Variants in ARMC9 observed in about 807,000 individuals in gnomAD.
ARMC9 encodes the protein armadillo repeat containing 9.
ARMC9 carries 94 observed loss-of-function variants against 107.0 expected under a neutral mutation model. That is an observed-to-expected ratio of 0.88 (90% confidence interval 0.74 to 1.04). ARMC9 has a LOEUF of 1.04. Among genes scored for constraint, ARMC9 ranks in the 50% least tolerant of loss-of-function variants. ARMC9 has a pLI of 0.00. For synonymous variants in ARMC9, 380 were observed against 396.9 expected (o/e 0.96, Z 0.51); for missense variants, 942 against 1,030.1 (o/e 0.91, Z 1.17).
chr2:231,278,003 G>A (rs147719126), intron 15 of ARMC9, among the ~76,000 whole-genome samples: 8 of 152,278 alleles, frequency 5.3e-5, no homozygotes, highest in Admixed American at 1.3e-4. Context: ...GTGTCCGTGC[G>A]TGGGAGGGAG....
intron 11 of ARMC9, among the ~76,000 whole-genome samples, chr2:231,261,746 AGCATTTT>A (rs2038365687): frequency 6.6e-6 from 1 of 151,958 alleles, no homozygotes. Flanking sequence ...TTACAGTCTG[AGCATTTT>A]GCTGCCTCAC....
intron 17 of ARMC9, among the ~76,000 whole-genome samples, chr2:231,283,341 C>T (rs185022740): frequency 5.7e-4 from 87 of 152,208 alleles, no homozygotes; most frequent in Non-Finnish European, 1.3e-4. Context: ...TCTAGGAAAC[C>T]CCTAAATGTT....
intron 20 of ARMC9, among the ~76,000 whole-genome samples, chr2:231,333,790 A>G (rs1006439562): frequency 6.6e-6 from 1 of 152,238 alleles, no homozygotes; most frequent in Non-Finnish European, 1.5e-5. Context: ...GCAGGCACGT[A>G]AACATGAGCA....
chr2:231,354,092 T>C (rs2045230273), intron 21 of ARMC9, among the ~76,000 whole-genome samples: 1 of 151,860 alleles, frequency 6.6e-6, no homozygotes, highest in South Asian at 2.1e-4. Context: ...ACCTTCCCTC[T>C]TCTGGCACCT....
intron 7 of ARMC9, among the ~76,000 whole-genome samples, chr2:231,227,530 A>G (rs2034763956): frequency 6.6e-6 from 1 of 152,222 alleles, no homozygotes; most frequent in Non-Finnish European, 1.5e-5. Context: ...ATCTTGTTCC[A>G]TGCGCCAGCA....
chr2:231,222,660 C>A, intron 5 of ARMC9, 68 bp from the exon 6 acceptor site: 1 of 898,726 alleles, frequency 1.1e-6, no homozygotes, highest in East Asian at 2.6e-5. Context: ...GCCTAATGAC[C>A]TCAACTTGAT....
rs145961415 is a variant in ARMC9 at position 231,257,387 on chromosome 2, C to G, written c.914+767C>G. ...GCTGTGGTGGCAAGGAAGTTGAGAA[C>G]CTTTGACTTGGGCATGAGGACCAGG... On this transcript the variant is annotated intron_variant, in intron 10 of 24. Transcript: ENST00000611582. Among the ~76,000 whole-genome samples, 830 of 152,246 alleles carry G rather than the reference C, an allele frequency of 5.5e-3. 10 individuals carry two copies. Among genetic ancestry groups the G allele is most frequent in the African/African-American group, 0.018 (747 of 41,530 alleles).
At chr2:231,248,794 G>A (rs1288709245) in intron 9 of ARMC9, among the ~76,000 whole-genome samples, 2 of 131,272 alleles carry the variant, frequency 1.5e-5, no homozygotes, top group African/African-American at 2.9e-5. Context: ...GCAACAGAAC[G>A]AGGTTCTGTC....
At chr2:231,304,657 A>G (rs1249903449) in intron 19 of ARMC9, among the ~76,000 whole-genome samples, 4 of 152,232 alleles carry the variant, frequency 2.6e-5, no homozygotes, top group African/African-American at 9.6e-5. Flanking sequence ...TCGTCCTCCC[A>G]AAGTGCTGGG....
intron 19 of ARMC9, among the ~76,000 whole-genome samples, chr2:231,314,353 C>G (rs2125520353): frequency 6.6e-6 from 1 of 152,284 alleles, no homozygotes; most frequent in South Asian, 2.1e-4. Context: ...GCTGGGATTA[C>G]AGGTGTGAGC....
Position 231,223,410 on chromosome 2 carries a change from G to A in ARMC9, c.597+590G>A, listed in dbSNP as rs1434691275. Among the ~76,000 whole-genome samples, 3 of 152,284 alleles carry A rather than the reference G, an allele frequency of 2.0e-5. No homozygotes were observed. The South Asian group carries it at 6.2e-4, about 32-fold the overall frequency. On this transcript the variant is annotated intron_variant, in intron 6 of 24. Coordinates refer to ENST00000611582, the MANE Select transcript of ARMC9 (RefSeq NM_001352754.2). ...TACCAGGGTGACAGGTGTAAATAGA[G>A]CCTGTTTCAGAAAGAGCAGAACGTT...
chr2:231,296,541 T>C (rs2041382698), intron 19 of ARMC9, among the ~76,000 whole-genome samples: 1 of 152,214 alleles, frequency 6.6e-6, no homozygotes, highest in African/African-American at 2.4e-5. Flanking sequence ...ACAATGACCA[T>C]TCTTCTGTGT....
intron 12 of ARMC9, 42 bp from the exon 13 acceptor site, chr2:231,270,940 C>A: frequency 1.3e-6 from 2 of 1,567,346 alleles, no homozygotes; most frequent in South Asian, 1.1e-5. Context: ...TTTATCTCTC[C>A]GTGTTCTTAA....
At chr2:231,206,939 A>G (rs1241017696) in intron 2 of ARMC9, among the ~76,000 whole-genome samples, 1 of 152,236 alleles carries the variant, frequency 6.6e-6, no homozygotes, top group African/African-American at 2.4e-5. Context: ...TGAGGCACCC[A>G]CCGTGCAACT....
intron 15 of ARMC9, 33 bp from the exon 16 acceptor site, chr2:231,278,349 A>G (rs781166531): frequency 1.9e-6 from 3 of 1,607,970 alleles, no homozygotes; most frequent in African/African-American, 1.3e-5. Context: ...GGGTTTAGAC[A>G]TGTCATGTTT....
chr2:231,283,246 G>A (rs1252948515), intron 17 of ARMC9, among the ~76,000 whole-genome samples: 1 of 152,148 alleles, frequency 6.6e-6, no homozygotes, highest in Non-Finnish European at 1.5e-5. Context: ...GTTCCAGAAG[G>A]AGACGAATGT....
intron 12 of ARMC9, among the ~76,000 whole-genome samples, chr2:231,264,739 C>T (rs964086927): frequency 2.0e-5 from 3 of 151,990 alleles, no homozygotes; most frequent in South Asian, 2.1e-4. Flanking sequence ...TCGGGTGATC[C>T]GCCCGCCTCA....
chr2:231,208,443 G>A (rs2032347808), intron 3 of ARMC9, among the ~76,000 whole-genome samples, 191 bp downstream of exon 3: 1 of 152,196 alleles, frequency 6.6e-6, no homozygotes, highest in Non-Finnish European at 1.5e-5. Flanking sequence ...GAAATGTGTG[G>A]CCATATAAGA....
intron 9 of ARMC9, 194 bp downstream of exon 9, chr2:231,240,235 G>T: frequency 1.7e-6 from 1 of 599,528 alleles, no homozygotes. Flanking sequence ...GCCTCCTAGG[G>T]AGGGTGAGGA....
Sources: gnomAD v4.1 joint callset for allele counts (sites outside exome capture counted in the v4.1 genomes callset) on GRCh38, gnomAD v4.1.1 for gene constraint, MANE v1.5 for transcripts, NCBI Gene and HGNC (gene_info 2026-07-23, HGNC 2026-07-21) for gene names.